The following SLCO3A1 variants were observed in gnomAD, a reference collection of about 807,000 sequenced individuals.
SLCO3A1 encodes the protein solute carrier organic anion transporter family member 3A1.
SLCO3A1 carries 27 observed loss-of-function variants against 63.1 expected under a neutral mutation model. The observed-to-expected ratio is 0.43, with a 90% CI of 0.32 to 0.59. The LOEUF (loss-of-function observed/expected upper bound fraction) is 0.59, where lower values mean the gene tolerates loss of function less well. Among genes scored for constraint, SLCO3A1 ranks in the 20% least tolerant of loss-of-function variants. SLCO3A1 has a pLI of 0.09. For missense variants in SLCO3A1, 773 were observed against 945.8 expected, an observed-to-expected ratio of 0.82 and a Z score of 2.40; for synonymous variants, 473 against 409.9, an observed-to-expected ratio of 1.15 and a Z score of -1.86.
At chr15:92,007,089 C>T (rs1321706556) in intron 2 of SLCO3A1, among the ~76,000 whole-genome samples, 1 of 152,208 alleles carries the variant, frequency 6.6e-6, no homozygotes, top group Non-Finnish European at 1.5e-5. Context: ...GCAACATTTC[C>T]ACTGACACGC....
At chr15:92,156,281 T>C (rs536357748) in intron 9 of SLCO3A1, among the ~76,000 whole-genome samples, 20 of 152,310 alleles carry the variant, frequency 1.3e-4, no homozygotes, top group African/African-American at 4.6e-4. Context: ...CCCCTTCCAC[T>C]TGCCTACACT....
At chr15:92,000,801 A>G (rs910195332) in intron 2 of SLCO3A1, among the ~76,000 whole-genome samples, 5 of 152,308 alleles carry the variant, frequency 3.3e-5, no homozygotes, top group Middle Eastern at 3.4e-3. Flanking sequence ...GTGTTTGTGC[A>G]TGAGTGCTGG....
chr15:91,953,551 G>C (rs564208125), intron 2 of SLCO3A1, among the ~76,000 whole-genome samples: 1 of 152,168 alleles, frequency 6.6e-6, no homozygotes, highest in African/African-American at 2.4e-5. Context: ...GAGGGGAGCC[G>C]CTCATGTTGG....
chr15:91,867,109 G>A (rs904844328), intron 1 of SLCO3A1, among the ~76,000 whole-genome samples: 2 of 150,638 alleles, frequency 1.3e-5, no homozygotes, highest in African/African-American at 5.0e-5. Flanking sequence ...ACTGTGGAGT[G>A]CCACTCCAGT....
chr15:92,054,375 C>G lies in SLCO3A1; in HGVS notation c.647-40506C>G, dbSNP rs949040454. On this transcript the variant is annotated intron_variant, in intron 2 of 9. Coordinates refer to ENST00000318445, the MANE Select transcript of SLCO3A1 (RefSeq NM_013272.4). ...TTTGTTTGTTTTAACAGTTGTAGCA[C>G]CACAGTGAATCTTTAGTCAAGCAAA... 2.0e-5 allele frequency among the ~76,000 whole-genome samples: 3 copies of G among 152,162 alleles called. 1 individual carries two copies. Among genetic ancestry groups the G allele is most frequent in the Admixed American group, 2.0e-4 (3 of 15,274 alleles).
At chr15:91,898,067 G>T (rs2151363542) in intron 1 of SLCO3A1, among the ~76,000 whole-genome samples, 1 of 152,324 alleles carries the variant, frequency 6.6e-6, no homozygotes, top group African/African-American at 2.4e-5. Context: ...TGGAGCTAGT[G>T]TGACCCAGTT....
chr15:92,120,006 T>TA (rs2047843408), intron 4 of SLCO3A1, among the ~76,000 whole-genome samples: 1 of 152,156 alleles, frequency 6.6e-6, no homozygotes, highest in South Asian at 2.1e-4. Context: ...CACATATATA[T>TA]ATATAGATCC....
At chr15:92,107,408 T>A (rs1379923088) in intron 4 of SLCO3A1, among the ~76,000 whole-genome samples, 1 of 149,148 alleles carries the variant, frequency 6.7e-6, no homozygotes, top group Non-Finnish European at 1.5e-5. Context: ...GCGAGACACA[T>A]GTTTTTGCTA....
intron 2 of SLCO3A1, among the ~76,000 whole-genome samples, chr15:92,004,621 TG>T (rs1567062042): frequency 6.6e-6 from 1 of 152,212 alleles, no homozygotes. Flanking sequence ...CACCGTAGTC[TG>T]TGTATCAACA....
chr15:91,940,798 G>C (rs774811612), intron 2 of SLCO3A1, among the ~76,000 whole-genome samples: 10 of 152,214 alleles, frequency 6.6e-5, no homozygotes, highest in Non-Finnish European at 1.2e-4. Context: ...ATGTGAGTGA[G>C]TGAGTGGTGA....
At chr15:91,965,973 C>T (rs571950410) in intron 2 of SLCO3A1, among the ~76,000 whole-genome samples, 6 of 152,078 alleles carry the variant, frequency 3.9e-5, no homozygotes, top group Admixed American at 2.6e-4. Flanking sequence ...TTTCTGAATT[C>T]GGTGTCATTT....
At position 92,091,509 on chromosome 15, in the gene SLCO3A1, A is replaced by C. The variant is rs556834816; in HGVS notation, c.647-3372A>C. Among the ~76,000 whole-genome samples the C allele has an allele frequency of 6.6e-5, 10 of 152,328 alleles. 1 individual carries two copies. In the South Asian group the frequency reaches 2.1e-3, roughly 32 times the overall value. ...GAATTAAGGGGGAAACCAAGGAAGA[A>C]AGCTCAGCATAACCGTTGTTAGCTC... On this transcript the variant is annotated intron_variant, in intron 2 of 9. Coordinates refer to ENST00000318445, the MANE Select transcript of SLCO3A1 (RefSeq NM_013272.4).
At chr15:92,094,588 G>A (rs2047515276) in intron 2 of SLCO3A1, among the ~76,000 whole-genome samples, 1 of 152,202 alleles carries the variant, frequency 6.6e-6, no homozygotes, top group Non-Finnish European at 1.5e-5. Context: ...AATATTTAAT[G>A]ATAGATGCGG....
At chr15:91,931,763 G>A (rs911361753) in intron 2 of SLCO3A1, among the ~76,000 whole-genome samples, 28 of 148,302 alleles carry the variant, frequency 1.9e-4, no homozygotes, top group Admixed American at 7.5e-4. Flanking sequence ...GAGCCACCGC[G>A]CCCGGCTGGT....
At chr15:91,944,620 T>A (rs1899738315) in intron 2 of SLCO3A1, among the ~76,000 whole-genome samples, 1 of 152,120 alleles carries the variant, frequency 6.6e-6, no homozygotes, top group African/African-American at 2.4e-5. Context: ...ATGCAAGTCC[T>A]GGAGGGTTTG....
Position 91,954,818 on chromosome 15 carries a change from G to A in SLCO3A1, c.646+38360G>A, listed in dbSNP as rs947581262. Among the ~76,000 whole-genome samples, 1 of 152,070 alleles carries A rather than the reference G, an allele frequency of 6.6e-6. No homozygotes were observed. Among genetic ancestry groups the A allele is most frequent in the African/African-American group, 2.4e-5 (1 of 41,392 alleles). On this transcript the variant is annotated intron_variant, in intron 2 of 9. Transcript: ENST00000318445. The surrounding 1 kb of genome is among the most constrained non-coding windows in gnomAD (Gnocchi z 4.7). ...GGGGAAGGAGTCCATCACTGGCCTA[G>A]ACACCATACCCTGAACCGCCCCCCG...
intron 7 of SLCO3A1, among the ~76,000 whole-genome samples, chr15:92,134,313 T>C (rs1039206724): frequency 6.6e-6 from 1 of 152,250 alleles, no homozygotes; most frequent in Non-Finnish European, 1.5e-5. Context: ...GACTTGTGAC[T>C]ATTCTGAAAT....
intron 2 of SLCO3A1, among the ~76,000 whole-genome samples, chr15:92,091,668 G>C (rs2047478832): frequency 6.6e-6 from 1 of 152,224 alleles, no homozygotes; most frequent in Admixed American, 6.5e-5. Flanking sequence ...AAAGGTTCGA[G>C]AACGCGTTGC....
At chr15:92,064,853 C>A (rs1006128266) in intron 2 of SLCO3A1, among the ~76,000 whole-genome samples, 3 of 152,098 alleles carry the variant, frequency 2.0e-5, no homozygotes, top group African/African-American at 4.8e-5. Context: ...TGATGGTTAC[C>A]AGCAGCTGGA....
Sources: gnomAD v4.1 joint callset for allele counts (sites outside exome capture counted in the v4.1 genomes callset) on GRCh38, gnomAD v4.1.1 for gene constraint, Gnocchi (gnomAD v3.1) non-coding constraint, MANE v1.5 for transcripts, NCBI Gene and HGNC (gene_info 2026-07-23, HGNC 2026-07-21) for gene names.